Variants in NTRK3 observed in about 807,000 individuals in gnomAD.
NTRK3 encodes NT-3 growth factor receptor.
Under a neutral mutation model 91.7 loss-of-function variants are expected in NTRK3, and 24 were observed. The observed-to-expected ratio is 0.26, with a 90% CI of 0.19 to 0.37. The LOEUF is 0.37. NTRK3 is among the 10% of genes least tolerant of loss of function. NTRK3 has a pLI of 1.00. For missense variants in NTRK3, 880 were observed against 1,068.9 expected (o/e 0.82, Z 2.46); for synonymous variants, 483 against 404.0 (o/e 1.20, Z -2.34).
chr15:88,231,040 G>C (rs2051139225), intron 3 of NTRK3, among the ~76,000 whole-genome samples: 1 of 152,186 alleles, frequency 6.6e-6, no homozygotes, highest in Non-Finnish European at 1.5e-5. Context: ...ACATGGGTCT[G>C]CTGATTAGAG....
chr15:88,092,679 C>G (rs559442925), intron 13 of NTRK3, among the ~76,000 whole-genome samples: 1 of 152,330 alleles, frequency 6.6e-6, no homozygotes, highest in African/African-American at 2.4e-5. Flanking sequence ...ATCAAGGCAT[C>G]AGTAGGGCTG....
chr15:88,226,587 C>T (rs1598055852), intron 3 of NTRK3, among the ~76,000 whole-genome samples: 1 of 152,216 alleles, frequency 6.6e-6, no homozygotes, highest in East Asian at 1.9e-4. Flanking sequence ...TCCTCCTTGT[C>T]CTCAGGCCCC....
chr15:87,948,120 A>G (rs970984285), intron 14 of NTRK3, among the ~76,000 whole-genome samples: 4 of 152,248 alleles, frequency 2.6e-5, no homozygotes, highest in African/African-American at 9.6e-5. Context: ...ATAAGAGCAT[A>G]GCCAGACAAA....
chr15:88,083,036 G>A (rs149167702), intron 13 of NTRK3, among the ~76,000 whole-genome samples: 35 of 152,280 alleles, frequency 2.3e-4, no homozygotes, highest in African/African-American at 6.3e-4. Flanking sequence ...GGATGACTGC[G>A]GGTGGGAAAA....
intron 13 of NTRK3, among the ~76,000 whole-genome samples, chr15:88,046,165 G>A (rs1046409570): frequency 6.6e-6 from 1 of 152,142 alleles, no homozygotes; most frequent in Admixed American, 6.5e-5. Flanking sequence ...TGGGTGAACT[G>A]GGAGTTCAAT....
At chr15:87,902,027 A>G (rs190553454) in intron 17 of NTRK3, among the ~76,000 whole-genome samples, 18 of 152,378 alleles carry the variant, frequency 1.2e-4, no homozygotes, top group Admixed American at 6.5e-4. Context: ...TAGAAATCCT[A>G]TAAATGTGAT....
intron 13 of NTRK3, among the ~76,000 whole-genome samples, chr15:88,067,687 G>A (rs1006007647): frequency 4.6e-5 from 7 of 152,292 alleles, no homozygotes; most frequent in Admixed American, 2.6e-4. Context: ...AAGGAAGGTG[G>A]GGAGAAAAGA....
chr15:87,942,489 T>C (rs1309764133), intron 14 of NTRK3, among the ~76,000 whole-genome samples: 1 of 152,220 alleles, frequency 6.6e-6, no homozygotes, highest in Non-Finnish European at 1.5e-5. Flanking sequence ...CACCTGCTCC[T>C]GCTACCTAAT....
At chr15:87,972,293 C>T (rs932811315) in intron 14 of NTRK3, among the ~76,000 whole-genome samples, 5 of 152,292 alleles carry the variant, frequency 3.3e-5, no homozygotes, top group Admixed American at 6.5e-5. Flanking sequence ...TCCACAAAGG[C>T]TTCCAGCATT....
At chr15:88,158,117 A>G (rs983714301) in intron 5 of NTRK3, among the ~76,000 whole-genome samples, 8 of 147,830 alleles carry the variant, frequency 5.4e-5, no homozygotes, top group Non-Finnish European at 1.0e-4. Flanking sequence ...AGTTGGGAAT[A>G]ATAATAGGGC....
intron 14 of NTRK3, among the ~76,000 whole-genome samples, chr15:87,995,173 G>A (rs1057372268): frequency 4.6e-5 from 7 of 152,170 alleles, no homozygotes; most frequent in African/African-American, 1.7e-4. Context: ...GTCCCATGGA[G>A]CCCAGAGAGC....
chr15:88,024,419 A>AGTGCC (rs2077852908), intron 14 of NTRK3, among the ~76,000 whole-genome samples: 1 of 152,198 alleles, frequency 6.6e-6, no homozygotes, highest in African/African-American at 2.4e-5. Context: ...CCTAACAGAG[A>AGTGCC]GTGCCTGGTA....
At chr15:88,146,917 C>G (rs1456640605) in intron 6 of NTRK3, among the ~76,000 whole-genome samples, 1 of 152,026 alleles carries the variant, frequency 6.6e-6, no homozygotes, top group African/African-American at 2.4e-5. Flanking sequence ...CCATAAAATG[C>G]AGAGAATAAT....
At chr15:88,093,638 T>C (rs556686377) in intron 13 of NTRK3, among the ~76,000 whole-genome samples, 1 of 152,292 alleles carries the variant, frequency 6.6e-6, no homozygotes, top group African/African-American at 2.4e-5. Flanking sequence ...TGATCATTGT[T>C]ATGAAGAACA....
At chr15:88,134,290 C>T (rs2041665322) in intron 10 of NTRK3, among the ~76,000 whole-genome samples, 1 of 152,228 alleles carries the variant, frequency 6.6e-6, no homozygotes, top group South Asian at 2.1e-4. Context: ...TTTCACTAAA[C>T]TCTTTTGGTG....
At chr15:88,147,386 C>A (rs201527669) in exon 6 of NTRK3, 1 of 1,613,758 alleles carries the variant, frequency 6.2e-7, no homozygotes, top group East Asian at 2.2e-5. Flanking sequence ...TGTGGTGAGC[C>A]GGTTACTTGA....
At chr15:87,894,431 G>A (rs930789352) in intron 17 of NTRK3, among the ~76,000 whole-genome samples, 3 of 152,232 alleles carry the variant, frequency 2.0e-5, no homozygotes, top group East Asian at 3.8e-4. Flanking sequence ...GGACATGTGT[G>A]TGTGACAATG....
chr15:87,992,604 G>T (rs2075375439), intron 14 of NTRK3, among the ~76,000 whole-genome samples: 1 of 152,192 alleles, frequency 6.6e-6, no homozygotes, highest in Non-Finnish European at 1.5e-5. Flanking sequence ...ACTTTCACTT[G>T]CCCAGGCAAT....
At chr15:88,110,122 A>AT (rs1184142900) in intron 13 of NTRK3, among the ~76,000 whole-genome samples, 2 of 152,152 alleles carry the variant, frequency 1.3e-5, no homozygotes, top group Non-Finnish European at 2.9e-5. Context: ...TATAGCTCTA[A>AT]ATTTTAATGA....
Sources: gnomAD v4.1 joint callset for allele counts (sites outside exome capture counted in the v4.1 genomes callset) on GRCh38, gnomAD v4.1.1 for gene constraint, MANE v1.5 for transcripts, NCBI Gene and HGNC (gene_info 2026-07-23, HGNC 2026-07-21) for gene names.